The following SYCP2L variants were observed in gnomAD, a reference collection of about 807,000 sequenced individuals.
SYCP2L encodes the protein synaptonemal complex protein 2-like.
SYCP2L carries 98 observed loss-of-function variants against 125.8 expected under a neutral mutation model. The ratio of observed to expected loss-of-function variants is 0.78; its 90% CI spans 0.66 to 0.92. The LOEUF (loss-of-function observed/expected upper bound fraction) is 0.92. Among genes scored for constraint, SYCP2L ranks in the 40% least tolerant of loss-of-function variants. The pLI, the probability that SYCP2L is intolerant of heterozygous loss-of-function variation, is 0.00. For missense variants in SYCP2L, 842 were observed against 936.4 expected, an observed-to-expected ratio of 0.90 and a Z score of 1.32; for synonymous variants, 317 against 325.4, an observed-to-expected ratio of 0.97 and a Z score of 0.28.
At chr6:10,967,454 G>GGTGT (rs3066151) in intron 29 of SYCP2L, among the ~76,000 whole-genome samples, 6,597 of 138,808 alleles carry the variant, frequency 0.048, 351 homozygotes, top group African/African-American at 0.13. Context: ...TGGGGTAGAG[G>GGTGT]GTGTGTGTGT....
chr6:10,910,814 T>C lies in SYCP2L; in HGVS notation c.873-10T>C. The stretch of plus-strand genomic sequence containing the variant: ...ATGTTTTATTTTTTTAATTGTGAGG[T>C]ATTTTGCAGGGTGTATTCATTTCCG... On this transcript the variant is annotated splice_polypyrimidine_tract_variant and intron_variant, in intron 11 of 29. Coordinates refer to ENST00000283141, the MANE Select transcript of SYCP2L (RefSeq NM_001040274.3). 6.2e-7 allele frequency: 1 copy of C among 1,613,804 alleles called. No homozygotes were observed. Among genetic ancestry groups the C allele is most frequent in the Non-Finnish European group, 8.5e-7 (1 of 1,179,826 alleles).
intron 28 of SYCP2L, 84 bp downstream of exon 28, chr6:10,961,642 G>T: frequency 7.4e-7 from 1 of 1,354,382 alleles, no homozygotes; most frequent in Non-Finnish European, 1.1e-6. Flanking sequence ...AGTTGGTGAC[G>T]GTAAAACTCC....
Position 10,887,137 on chromosome 6 carries a change from T to C in SYCP2L, c.9+2T>C, listed in dbSNP as rs758704039. ...CGAAGAAGCCTCGTTATGCAAGCGG[T>C]GAGTGACCCCCGAAGGGCCCGGACC... On this transcript the variant is annotated splice_donor_variant, in intron 1 of 29. Coordinates refer to ENST00000283141, the MANE Select transcript of SYCP2L (RefSeq NM_001040274.3). LOFTEE classifies it high-confidence loss of function. 4 of 1,613,944 alleles carry C rather than the reference T, an allele frequency of 2.5e-6. No individual in the cohort carries two copies. In the African/African-American group the frequency reaches 5.3e-5, roughly 22 times the overall value.
Position 10,910,820 on chromosome 6 carries a change from GC to G in SYCP2L, c.873-3del. The G allele has an allele frequency of 1.2e-6, 2 of 1,613,854 alleles. No individual in the cohort carries two copies. The highest frequency in any genetic ancestry group is 3.3e-4 in the Middle Eastern group (2 of 6,060). Reference sequence around the variant, plus strand: ...TATTTTTTTAATTGTGAGGTATTTTGCAGGGTGTATTCATTTCCGTGTATTG... The same window carrying G: ...TATTTTTTTAATTGTGAGGTATTTTGAGGGTGTATTCATTTCCGTGTATTG... On this transcript the variant is annotated splice_polypyrimidine_tract_variant and splice_region_variant and intron_variant, in intron 11 of 29. Transcript: ENST00000283141.
rs1301535967 is a variant in SYCP2L, at chr6:10,958,873, C to G, written c.2253C>G (p.Phe751Leu). 2 of 1,613,734 alleles carry G rather than the reference C, an allele frequency of 1.2e-6. No individual in the cohort carries two copies. Among genetic ancestry groups the G allele is most frequent in the Non-Finnish European group, 1.7e-6 (2 of 1,179,840 alleles). Residue 751 changes from phenylalanine to leucine, a missense_variant and splice_region_variant, in exon 26 of 30, where the codon TTC becomes TTG. By Grantham distance (22) the Phe-to-Leu change is conservative (BLOSUM62 0). Coordinates refer to ENST00000283141, the MANE Select transcript of SYCP2L (RefSeq NM_001040274.3). ...LIKLLNQMQL[F>L]RLNKLERFQN... ...AACTTTTAAACCAGATGCAACTGTT[C>G]AGGTAAGTTTTAGGTTTCAAAACAA...
chr6:10,907,892 G>GTTTTTTTTTTTGTT lies in SYCP2L; in HGVS notation c.819+219_819+220insGTTTTTTTTTTTTT, dbSNP rs1554105094. Among the ~76,000 whole-genome samples the GTTTTTTTTTTTGTT allele has an allele frequency of 7.2e-4, 66 of 91,934 alleles. 3 individuals carry two copies. The highest frequency in any genetic ancestry group is 2.5e-3 in the African/African-American group (61 of 24,152). The allele number at this position is 91,934 out of a possible 152,430, so 60.3% of individuals were successfully genotyped here. On this transcript the variant is annotated intron_variant, in intron 10 of 29. Coordinates refer to ENST00000283141, the MANE Select transcript of SYCP2L (RefSeq NM_001040274.3). ...GAGCTAGATATAGGGATACAGATAG[G>GTTTTTTTTTTTGTT]TTTTTTTTTTTTTTTTTTGACAGAG... is the stretch of plus-strand genomic sequence containing the variant.
chr6:10,923,020 G>C (rs1780826451), intron 14 of SYCP2L, among the ~76,000 whole-genome samples: 2 of 152,022 alleles, frequency 1.3e-5, no homozygotes, highest in African/African-American at 4.8e-5. Flanking sequence ...TGTGTACTGA[G>C]TCTTCATAAT....
At chr6:10,908,675 G>T (rs1780551146) in intron 10 of SYCP2L, among the ~76,000 whole-genome samples, 1 of 152,130 alleles carries the variant, frequency 6.6e-6, no homozygotes, top group African/African-American at 2.4e-5. Flanking sequence ...ATGTAATCAA[G>T]ACTCTTATGA....
At chr6:10,939,878 A>C (rs1781181758) in intron 21 of SYCP2L, among the ~76,000 whole-genome samples, 1 of 149,602 alleles carries the variant, frequency 6.7e-6, no homozygotes, top group Non-Finnish European at 1.5e-5. Context: ...TGTGCACAGC[A>C]AAGAAAGCAA....
chr6:10,962,274 C>CTATGCATATATTCCTATGCATATATTCT (rs1781606630), intron 28 of SYCP2L, among the ~76,000 whole-genome samples: 1 of 151,710 alleles, frequency 6.6e-6, no homozygotes, highest in Non-Finnish European at 1.5e-5. Context: ...TTCCTAAAAC[C>CTATGCATATATTCCTATGCATATATTCT]TATGCATATA....
intron 12 of SYCP2L, 84 bp downstream of exon 12, chr6:10,910,953 C>T: frequency 1.4e-6 from 2 of 1,429,158 alleles, no homozygotes; most frequent in East Asian, 4.5e-5. Context: ...CAAACTTTTG[C>T]TCTCATAACT....
intron 21 of SYCP2L, among the ~76,000 whole-genome samples, chr6:10,939,237 C>A (rs1002814826): frequency 3.3e-5 from 5 of 151,982 alleles, no homozygotes; most frequent in Admixed American, 6.6e-5. Context: ...ATTGAAGACA[C>A]AAATAAATGG....
intron 23 of SYCP2L, among the ~76,000 whole-genome samples, chr6:10,949,510 A>G (rs1043550083): frequency 1.2e-4 from 19 of 152,178 alleles, no homozygotes; most frequent in African/African-American, 4.6e-4. Flanking sequence ...TTAAGGCCTA[A>G]CTGGACTTGC....
At chr6:10,892,109 A>G (rs1284301174) in intron 2 of SYCP2L, among the ~76,000 whole-genome samples, 1 of 152,198 alleles carries the variant, frequency 6.6e-6, no homozygotes, top group Non-Finnish European at 1.5e-5. Flanking sequence ...GGAACCAGCC[A>G]TGTGGAAAGT....
chr6:10,971,876 A>G (rs759268662), intron 29 of SYCP2L, among the ~76,000 whole-genome samples: 10 of 152,134 alleles, frequency 6.6e-5, no homozygotes, highest in African/African-American at 1.7e-4. Flanking sequence ...GTGTGTCGCC[A>G]TGTTGGCCAG....
At chr6:10,887,527 G>T (rs575919971) in intron 1 of SYCP2L, among the ~76,000 whole-genome samples, 4 of 152,032 alleles carry the variant, frequency 2.6e-5, no homozygotes, top group Non-Finnish European at 5.9e-5. Context: ...TTAACCGAAC[G>T]ACAAAGGACA....
chr6:10,971,189 G>A lies in SYCP2L; in HGVS notation c.*38-2763G>A, dbSNP rs140907700. 2.4e-3 allele frequency among the ~76,000 whole-genome samples: 367 copies of A among 152,004 alleles called. 1 individual carries two copies. Among genetic ancestry groups the A allele is most frequent in the Admixed American group, 4.3e-3 (66 of 15,252 alleles). ...ACAACTTACTGAAAGATAGGGGGTC[G>A]GGCTCACACCTGTAATCCCAGCACT... On this transcript the variant is annotated intron_variant, in intron 29 of 29. Transcript: ENST00000283141.
At position 10,899,059 on chromosome 6, in the gene SYCP2L, C is replaced by T. The variant is rs537389702; in HGVS notation, c.466+211C>T. On this transcript the variant is annotated intron_variant, in intron 6 of 29. Coordinates refer to ENST00000283141, the MANE Select transcript of SYCP2L (RefSeq NM_001040274.3). Reference sequence around the variant, plus strand: ...ATTTGTCTGAGAAGCATTTTTATTTCGCTGCTCCTGACATATGGCTAGCTC... The same window carrying T: ...ATTTGTCTGAGAAGCATTTTTATTTTGCTGCTCCTGACATATGGCTAGCTC... Among the ~76,000 whole-genome samples the T allele has an allele frequency of 4.2e-4, 64 of 152,256 alleles. 1 individual carries two copies. In the South Asian group the frequency reaches 0.012, roughly 29 times the overall value.
At chr6:10,902,382 G>C (rs562229418) in intron 6 of SYCP2L, among the ~76,000 whole-genome samples, 74 of 152,276 alleles carry the variant, frequency 4.9e-4, no homozygotes, top group African/African-American at 1.8e-3. Flanking sequence ...AGTTGAAAAA[G>C]TCTGCTGTAA....
Sources: allele counts gnomAD v4.1 joint callset (sites outside exome capture counted in the v4.1 genomes callset), GRCh38; gene constraint gnomAD v4.1.1; transcripts MANE v1.5; gene names NCBI Gene and HGNC (gene_info 2026-07-23, HGNC 2026-07-21).